EPRS1: variants seen among roughly 807,000 people sequenced by gnomAD.
The protein encoded by EPRS1 is bifunctional glutamate/proline--tRNA ligase.
A neutral mutation model predicts 188.3 loss-of-function variants in EPRS1; 107 were observed. The ratio of observed to expected loss-of-function variants is 0.57; its 90% CI spans 0.49 to 0.67. The LOEUF (loss-of-function observed/expected upper bound fraction) is 0.67, where lower values mean the gene tolerates loss of function less well. Among genes scored for constraint, EPRS1 ranks in the 30% least tolerant of loss-of-function variants. The pLI is 0.00. For synonymous variants in EPRS1, 596 were observed against 593.1 expected (o/e 1.00, Z -0.07); for missense variants, 1,577 against 1,802.2 (o/e 0.88, Z 2.26).
intron 22 of EPRS1, 97 bp from the exon 23 acceptor site, chr1:219,982,941 A>T: frequency 8.9e-7 from 1 of 1,129,286 alleles, no homozygotes; most frequent in East Asian, 2.4e-5. Context: ...AATTTTTGCT[A>T]TATCAATTTA....
At chr1:220,021,527 CTTGA>C (rs1287879671) in intron 9 of EPRS1, among the ~76,000 whole-genome samples, 2 of 152,124 alleles carry the variant, frequency 1.3e-5, no homozygotes, top group African/African-American at 4.8e-5. Flanking sequence ...TAAGATACAA[CTTGA>C]TTAAGATGCT....
chr1:219,970,774 T>C (rs1219863645), intron 30 of EPRS1, among the ~76,000 whole-genome samples: 3 of 83,764 alleles, frequency 3.6e-5, no homozygotes, highest in African/African-American at 1.3e-4. Flanking sequence ...CAAGACCCTG[T>C]ACCAAAAAAA....
intron 24 of EPRS1, 145 bp from the exon 25 acceptor site, chr1:219,981,002 T>G: frequency 1.6e-6 from 1 of 607,544 alleles, no homozygotes; most frequent in Non-Finnish European, 3.0e-6. Flanking sequence ...CAGGCTCAAA[T>G]GATCCTTCTA....
Position 219,968,686 on chromosome 1 carries a change from T to C in EPRS1, c.*120A>G. 1 of 957,294 alleles carries C rather than the reference T, an allele frequency of 1.0e-6. No homozygotes were observed. The highest frequency in any genetic ancestry group is 1.6e-6 in the Non-Finnish European group (1 of 636,600). 59.3% of individuals were successfully genotyped at this position (957,294 alleles called of 1,614,324 possible). On this transcript the variant is annotated 3_prime_UTR_variant, in exon 32 of 32. Coordinates refer to ENST00000366923, the MANE Select transcript of EPRS1 (RefSeq NM_004446.3). ...TAGGCATAAGAATAATTGTCCTGTGTGACTTCATTTTAGAACTTTTACTTT... is the reference window on the plus strand; with the variant it reads ...TAGGCATAAGAATAATTGTCCTGTGCGACTTCATTTTAGAACTTTTACTTT...
In EPRS1 at chr1:219,973,239, T is replaced by A. The variant is rs1245907288; in HGVS notation, c.4243A>T (p.Arg1415Trp). The A allele has an allele frequency of 1.9e-6, 3 of 1,611,278 alleles. No homozygotes were observed. Among genetic ancestry groups the A allele is most frequent in the Admixed American group, 1.7e-5 (1 of 59,782 alleles). The change falls in exon 29 of 32, where the codon AGG becomes TGG. Residue 1415 changes from arginine (R) to tryptophan (W), a missense_variant and splice_region_variant. Coordinates refer to ENST00000366923, the MANE Select transcript of EPRS1 (RefSeq NM_004446.3). ...LEDIQVTLFT[R>W]ASEDLKTHMV... is the part of the protein sequence containing the mutation. ...ACATAAGCAATTTTAAGAAACTACC[T>A]TGTGAAAAGGGTGACCTGGATGTCT...
intron 18 of EPRS1, among the ~76,000 whole-genome samples, chr1:219,993,547 A>T (rs1426946475): frequency 6.6e-6 from 1 of 152,260 alleles, no homozygotes; most frequent in Admixed American, 6.5e-5. Context: ...AAAACAGAGC[A>T]AGAAAAGTCT....
At chr1:220,005,841 GTT>G (rs1158202804) in intron 15 of EPRS1, among the ~76,000 whole-genome samples, 1 of 19,498 alleles carries the variant, frequency 5.1e-5, no homozygotes, top group African/African-American at 9.6e-5. Flanking sequence ...TTTTTTTTTT[GTT>G]TTTTTTTGTA....
chr1:220,030,001 C>T (rs538210895), intron 6 of EPRS1, among the ~76,000 whole-genome samples: 2 of 152,292 alleles, frequency 1.3e-5, no homozygotes, highest in East Asian at 1.9e-4. Context: ...AAGACCAATA[C>T]TATTATAACT....
chr1:220,015,096 G>C (rs561401523), intron 12 of EPRS1, among the ~76,000 whole-genome samples: 1 of 152,138 alleles, frequency 6.6e-6, no homozygotes, highest in Non-Finnish European at 1.5e-5. Flanking sequence ...CACGAAACAA[G>C]AGTACCAGTC....
Position 219,983,232 on chromosome 1 carries a change from G to A in EPRS1, c.3257C>T (p.Ala1086Val). Reference sequence around the variant, plus strand: ...AACATGAGTCTTCTCTTTCTCTAATGCACTTTGAGACACAAACATGGGGAA... The same window carrying A: ...AACATGAGTCTTCTCTTTCTCTAATACACTTTGAGACACAAACATGGGGAA... ...CYFPMFVSQSALEKEKTHVAD... is the reference protein window; with the variant it reads ...CYFPMFVSQSVLEKEKTHVAD... Residue 1086 changes from alanine (A) to valine (V), a missense_variant, in exon 22 of 32, where the codon GCA becomes GTA. Around this residue, in one of 3 missense-constraint regions of EPRS1, gnomAD observed 1,278 missense variants for 1,457.4 expected, o/e 0.88. Coordinates refer to ENST00000366923, the MANE Select transcript of EPRS1 (RefSeq NM_004446.3). 1 of 1,614,018 alleles carries A rather than the reference G, an allele frequency of 6.2e-7. No individual in the cohort carries two copies. The highest frequency in any genetic ancestry group is 8.5e-7 in the Non-Finnish European group (1 of 1,179,938).
chr1:220,018,673 A>G (rs1178444306), intron 11 of EPRS1, among the ~76,000 whole-genome samples, 165 bp from the exon 12 acceptor site: 1 of 151,870 alleles, frequency 6.6e-6, no homozygotes, highest in Non-Finnish European at 1.5e-5. Flanking sequence ...TAATTTGGTT[A>G]CCCTTAACAG....
At chr1:220,029,519 T>C (rs975773981) in intron 6 of EPRS1, among the ~76,000 whole-genome samples, 7 of 152,234 alleles carry the variant, frequency 4.6e-5, no homozygotes, top group African/African-American at 1.7e-4. Flanking sequence ...TTCTACTGTG[T>C]ACTATAGAAA....
chr1:219,988,584 A>C lies in EPRS1; in HGVS notation c.2775+6T>G. 1 of 1,590,508 alleles carries C rather than the reference A, an allele frequency of 6.3e-7. No individual in the cohort carries two copies. Among genetic ancestry groups the C allele is most frequent in the Non-Finnish European group, 8.6e-7 (1 of 1,159,496 alleles). Reference sequence around the variant, plus strand: ...CAAAAGCATATAAACAAAATAACACACTAACCTTAGGGGCTTTTTCAGTTT... The same window carrying C: ...CAAAAGCATATAAACAAAATAACACCCTAACCTTAGGGGCTTTTTCAGTTT... On this transcript the variant is annotated splice_donor_region_variant and intron_variant, in intron 19 of 31. Transcript: ENST00000366923.
At chr1:220,008,748 T>C (rs1465911141) in intron 13 of EPRS1, among the ~76,000 whole-genome samples, 1 of 152,184 alleles carries the variant, frequency 6.6e-6, no homozygotes, top group Non-Finnish European at 1.5e-5. Context: ...TGGAGTGCAG[T>C]GGTATAGTCA....
chr1:220,010,864 G>A (rs1243775265), intron 13 of EPRS1, 82 bp downstream of exon 13: 4 of 767,202 alleles, frequency 5.2e-6, no homozygotes, highest in African/African-American at 3.6e-5. Flanking sequence ...TCATGCCACT[G>A]CCATGAAAGC....
chr1:220,039,575 G>A (rs762042741), intron 2 of EPRS1, among the ~76,000 whole-genome samples: 2 of 149,244 alleles, frequency 1.3e-5, no homozygotes, highest in East Asian at 2.0e-4. Context: ...CTGGAGTGCA[G>A]TGGCGCGTTC....
chr1:220,007,134 T>C lies in EPRS1; in HGVS notation c.1742+68A>G. On this transcript the variant is annotated intron_variant, in intron 14 of 31. Coordinates refer to ENST00000366923, the MANE Select transcript of EPRS1 (RefSeq NM_004446.3). ...TGTATGGGTCTGAATTTGGTAATGT[T>C]TAATAAGTAAACACAAATAAAATAC... The C allele has an allele frequency of 4.3e-6, 6 of 1,398,724 alleles. No individual in the cohort carries two copies. The East Asian group carries it at 1.5e-4, about 34-fold the overall frequency. 86.6% of individuals were successfully genotyped at this position (1,398,724 alleles called of 1,614,324 possible). A position where few individuals can be genotyped will look rare whatever the true frequency, so the allele number is the denominator to read the frequency against.
intron 16 of EPRS1, among the ~76,000 whole-genome samples, chr1:220,002,305 C>T (rs1467367408): frequency 2.7e-5 from 4 of 150,608 alleles, no homozygotes; most frequent in South Asian, 4.2e-4. Context: ...GCACTCCAGC[C>T]TGGGCAACAG....
At position 219,987,350 on chromosome 1, in the gene EPRS1, A is replaced by G; in HGVS notation, c.2830T>C (p.Ser944Pro). 1 of 1,613,586 alleles carries G rather than the reference A, an allele frequency of 6.2e-7. No homozygotes were observed. The highest frequency in any genetic ancestry group is 2.2e-5 in the East Asian group (1 of 44,862). The change falls in exon 20 of 32, where the codon TCT (serine) becomes CCT (proline). Residue 944 changes from serine to proline, a missense_variant. By Grantham distance (74) the Ser-to-Pro change is moderately conservative. Transcript: ENST00000366923. ...ELLQLKAQYKSLIGVEYKPVS... is the reference protein window; with the variant it reads ...ELLQLKAQYKPLIGVEYKPVS... ...GGCTTATACTCTACTCCTATCAAAG[A>G]CTTGTACTGTGCCTTTAGCTGAAGG... is the stretch of plus-strand genomic sequence containing the variant.
Sources: allele counts gnomAD v4.1 joint callset (sites outside exome capture counted in the v4.1 genomes callset), GRCh38; gene constraint gnomAD v4.1.1; regional missense constraint gnomAD v4.1.1; transcripts MANE v1.5; gene names NCBI Gene and HGNC (gene_info 2026-07-23, HGNC 2026-07-21).